Variants in DOCK8 observed in about 807,000 individuals in gnomAD.
DOCK8 encodes the protein dedicator of cytokinesis 8.
Under a neutral mutation model 245.6 loss-of-function variants are expected in DOCK8, and 141 were observed. The ratio of observed to expected loss-of-function variants is 0.57; its 90% CI spans 0.50 to 0.66. The LOEUF is 0.66. Among genes scored for constraint, DOCK8 ranks in the 30% least tolerant of loss-of-function variants. The pLI is 0.00. For missense variants in DOCK8, 2,965 were observed against 2,603.4 expected (o/e 1.14, Z -3.02); for synonymous variants, 1,168 against 970.2 (o/e 1.20, Z -3.79).
chr9:362,258 T>G (rs1461179434), intron 14 of DOCK8, among the ~76,000 whole-genome samples: 1 of 152,158 alleles, frequency 6.6e-6, no homozygotes, highest in Non-Finnish European at 1.5e-5. Flanking sequence ...TTGTGAAGGT[T>G]TATTTGCACC....
At chr9:317,988 T>C (rs1415077835) in intron 7 of DOCK8, among the ~76,000 whole-genome samples, 1 of 147,952 alleles carries the variant, frequency 6.8e-6, no homozygotes, top group Non-Finnish European at 1.5e-5. Flanking sequence ...AAAAAAAAAA[T>C]CCTCTATAGA....
intron 1 of DOCK8, among the ~76,000 whole-genome samples, chr9:264,480 C>T (rs1222096510): frequency 6.6e-6 from 1 of 152,126 alleles, no homozygotes; most frequent in Admixed American, 6.5e-5. Context: ...ACAGTTATGG[C>T]TTGTCTGTTT....
At chr9:334,119 T>G in intron 10 of DOCK8, 106 bp from the exon 11 acceptor site, 1 of 1,259,128 alleles carries the variant, frequency 7.9e-7, no homozygotes, top group Non-Finnish European at 1.1e-6. Context: ...TTACTCTTTT[T>G]AATCAGTAGG....
chr9:243,416 C>T (rs1469957933), intron 1 of DOCK8, among the ~76,000 whole-genome samples: 1 of 152,104 alleles, frequency 6.6e-6, no homozygotes, highest in Non-Finnish European at 1.5e-5. Flanking sequence ...AGGGACAGTG[C>T]GCTGCTGATC....
At chr9:219,095 A>G (rs1178212270) in intron 1 of DOCK8, among the ~76,000 whole-genome samples, 1 of 152,240 alleles carries the variant, frequency 6.6e-6, no homozygotes, top group African/African-American at 2.4e-5. Flanking sequence ...AAATAATAAT[A>G]GGTAACATTT....
chr9:300,480 A>G (rs905931395), intron 4 of DOCK8, among the ~76,000 whole-genome samples: 14 of 152,086 alleles, frequency 9.2e-5, no homozygotes, highest in Non-Finnish European at 1.6e-4. Flanking sequence ...CAGCAGAAGA[A>G]AACAAATAAC....
intron 4 of DOCK8, among the ~76,000 whole-genome samples, chr9:297,392 C>T (rs1292596269): frequency 5.3e-5 from 8 of 152,172 alleles, no homozygotes; most frequent in African/African-American, 1.7e-4. Flanking sequence ...ACTCTCAAAA[C>T]GCGCTTGGTC....
At chr9:338,702 G>A (rs141980356) in intron 12 of DOCK8, among the ~76,000 whole-genome samples, 1 of 152,130 alleles carries the variant, frequency 6.6e-6, no homozygotes, top group Non-Finnish European at 1.5e-5. Flanking sequence ...GCATCAGAGG[G>A]TGAGAGTTAT....
intron 29 of DOCK8, among the ~76,000 whole-genome samples, chr9:415,958 C>T (rs2055986471): frequency 6.6e-6 from 1 of 152,142 alleles, no homozygotes; most frequent in Admixed American, 6.5e-5. Flanking sequence ...GTATTTAGTT[C>T]ATGAAAATGG....
chr9:323,893 A>T (rs747508946), intron 7 of DOCK8, among the ~76,000 whole-genome samples: 1 of 152,140 alleles, frequency 6.6e-6, no homozygotes, highest in Non-Finnish European at 1.5e-5. Context: ...ATATTTTGTT[A>T]TGGCCTCATA....
At chr9:282,889 T>C (rs2130214502) in intron 2 of DOCK8, among the ~76,000 whole-genome samples, 1 of 152,292 alleles carries the variant, frequency 6.6e-6, no homozygotes, top group Non-Finnish European at 1.5e-5. Flanking sequence ...TTCCATTGCC[T>C]CTCCTTGAGT....
intron 1 of DOCK8, among the ~76,000 whole-genome samples, chr9:246,573 G>A (rs1412851933): frequency 6.6e-6 from 1 of 152,062 alleles, no homozygotes; most frequent in East Asian, 1.9e-4. Context: ...GTCTGACAGA[G>A]ACAGGAGAGG....
chr9:377,658 A>G (rs891759414), intron 20 of DOCK8, among the ~76,000 whole-genome samples: 4 of 152,256 alleles, frequency 2.6e-5, no homozygotes, highest in Non-Finnish European at 4.4e-5. Flanking sequence ...TTTAAAGTGT[A>G]TAGTTCATTG....
intron 28 of DOCK8, among the ~76,000 whole-genome samples, chr9:411,407 C>G (rs2055721495): frequency 7.3e-6 from 1 of 137,692 alleles, no homozygotes; most frequent in African/African-American, 2.7e-5. Flanking sequence ...GAGCAAAACT[C>G]CATCACAAAT....
chr9:364,712 C>G (rs903884566), intron 14 of DOCK8, among the ~76,000 whole-genome samples: 1 of 149,824 alleles, frequency 6.7e-6, no homozygotes, highest in Non-Finnish European at 1.5e-5. Context: ...AAAGTCTTAA[C>G]GGTGATCTTC....
At chr9:453,661 A>T (rs1252213439) in intron 46 of DOCK8, among the ~76,000 whole-genome samples, 1 of 152,136 alleles carries the variant, frequency 6.6e-6, no homozygotes, top group African/African-American at 2.4e-5. Context: ...TCCTGACCTC[A>T]AATGATCCAC....
intron 37 of DOCK8, among the ~76,000 whole-genome samples, chr9:432,688 G>A (rs1277308233): frequency 6.6e-6 from 1 of 152,182 alleles, no homozygotes; most frequent in Non-Finnish European, 1.5e-5. Context: ...AAAGCCTGCA[G>A]GGAGGGATGA....
At chr9:423,735 C>T (rs556794261) in intron 33 of DOCK8, among the ~76,000 whole-genome samples, 2 of 152,126 alleles carry the variant, frequency 1.3e-5, no homozygotes, top group Admixed American at 6.5e-5. Context: ...ATACTTGGAT[C>T]GGAGAGTCCA....
chr9:398,121 A>C (rs2131405857), intron 25 of DOCK8, among the ~76,000 whole-genome samples: 1 of 152,336 alleles, frequency 6.6e-6, no homozygotes, highest in South Asian at 2.1e-4. Context: ...ACAGCATGGT[A>C]TCTCCACATT....
Sources: gnomAD v4.1 joint callset for allele counts (sites outside exome capture counted in the v4.1 genomes callset) on GRCh38, gnomAD v4.1.1 for gene constraint, MANE v1.5 for transcripts, NCBI Gene and HGNC (gene_info 2026-07-23, HGNC 2026-07-21) for gene names.